SNX29: variants seen among roughly 807,000 people sequenced by gnomAD.
The protein encoded by SNX29 is sorting nexin-29.
SNX29 carries 78 observed loss-of-function variants against 102.1 expected under a neutral mutation model. That is an observed-to-expected ratio of 0.76 (90% confidence interval 0.64 to 0.92). SNX29 has a LOEUF of 0.92. SNX29 is among the 40% of genes least tolerant of loss of function. SNX29 has a pLI of 0.00. For missense variants in SNX29, 1,280 were observed against 1,061.7 expected, an observed-to-expected ratio of 1.21 and a Z score of -2.86; for synonymous variants, 580 against 414.5, an observed-to-expected ratio of 1.40 and a Z score of -4.85.
chr16:11,985,661 G>T (rs1415288422), intron 1 of SNX29, among the ~76,000 whole-genome samples: 3 of 152,106 alleles, frequency 2.0e-5, no homozygotes, highest in Admixed American at 6.6e-5. Context: ...GGAGCCTGTG[G>T]CTGGGAGTCC....
intron 18 of SNX29, among the ~76,000 whole-genome samples, chr16:12,419,022 G>T (rs2084765171): frequency 6.6e-6 from 1 of 152,212 alleles, no homozygotes; most frequent in South Asian, 2.1e-4. Flanking sequence ...GGCCGGGGGT[G>T]CTGCTCAACA....
At position 12,569,127 on chromosome 16, in the gene SNX29, G is replaced by C. The variant is rs937499517; in HGVS notation, c.*498G>C. The C allele has an allele frequency of 2.5e-5, 1 of 40,356 alleles. No individual in the cohort carries two copies. The highest frequency in any genetic ancestry group is 2.5e-4 in the African/African-American group (1 of 4,072). The allele number at this position is 40,356 out of a possible 1,614,324, so 2.5% of individuals were successfully genotyped here. On this transcript the variant is annotated 3_prime_UTR_variant, in exon 21 of 21. Transcript: ENST00000566228. ...CCTAGGGATGGCTGGCTTTGCGGGG[G>C]GGGGGGGGGGGGGGGGCATGGTTCC... is the stretch of plus-strand genomic sequence containing the variant.
At chr16:12,138,115 CT>C (rs2054729246) in intron 13 of SNX29, among the ~76,000 whole-genome samples, 1 of 151,784 alleles carries the variant, frequency 6.6e-6, no homozygotes, top group Admixed American at 6.6e-5. Context: ...TATGCTAGCA[CT>C]TCTGGAGTCT....
chr16:12,027,597 A>G, intron 4 of SNX29, 153 bp downstream of exon 4: 1 of 834,606 alleles, frequency 1.2e-6, no homozygotes, highest in Non-Finnish European at 1.8e-6. Context: ...ATAGTAGTCA[A>G]AACGTAATGG....
intron 13 of SNX29, among the ~76,000 whole-genome samples, chr16:12,143,845 C>T (rs2054953889): frequency 1.3e-5 from 2 of 152,162 alleles, no homozygotes; most frequent in Non-Finnish European, 2.9e-5. Flanking sequence ...ACATCATAGT[C>T]ACCTGGGGAG....
At chr16:12,504,062 AC>A (rs2089254460) in intron 19 of SNX29, among the ~76,000 whole-genome samples, 1 of 152,032 alleles carries the variant, frequency 6.6e-6, no homozygotes, top group Admixed American at 6.6e-5. Flanking sequence ...CTCCTGCCAA[AC>A]CCCAGACCTC....
At chr16:11,984,183 C>G (rs2055506582) in intron 1 of SNX29, among the ~76,000 whole-genome samples, 2 of 152,040 alleles carry the variant, frequency 1.3e-5, no homozygotes, top group Admixed American at 1.3e-4. Flanking sequence ...TGGGACCCGT[C>G]TGCCGGTCTT....
chr16:11,987,976 C>T (rs1015868022), intron 1 of SNX29, among the ~76,000 whole-genome samples: 1 of 152,136 alleles, frequency 6.6e-6, no homozygotes, highest in East Asian at 1.9e-4. Context: ...ATAGCTTTAC[C>T]AGCATTGGGG....
intron 15 of SNX29, among the ~76,000 whole-genome samples, chr16:12,318,188 A>ATCTTGC (rs1313761247): frequency 2.0e-5 from 3 of 152,226 alleles, no homozygotes; most frequent in African/African-American, 7.2e-5. Context: ...TGAAATTCAC[A>ATCTTGC]TCTTGCTCCG....
intron 20 of SNX29, among the ~76,000 whole-genome samples, chr16:12,561,948 C>A (rs919948810): frequency 6.6e-6 from 1 of 152,134 alleles, no homozygotes; most frequent in Non-Finnish European, 1.5e-5. Context: ...CCAGGTGCAT[C>A]CCTGGGGGCA....
chr16:12,547,204 G>A lies in SNX29; in HGVS notation c.2319-21302G>A, dbSNP rs151248465. ...GAAGATGACAGGGATAGTTTGACCC[G>A]AAGTGGAGACCTGAGGCAGGGAGCC... On this transcript the variant is annotated intron_variant, in intron 20 of 20. Coordinates refer to ENST00000566228, the MANE Select transcript of SNX29 (RefSeq NM_032167.5). Among the ~76,000 whole-genome samples the A allele has an allele frequency of 2.8e-3, 420 of 152,324 alleles. 3 individuals carry two copies. Among genetic ancestry groups the A allele is most frequent in the African/African-American group, 9.5e-3 (396 of 41,568 alleles).
At chr16:12,539,811 G>C (rs918579985) in intron 20 of SNX29, among the ~76,000 whole-genome samples, 4 of 152,292 alleles carry the variant, frequency 2.6e-5, no homozygotes, top group Non-Finnish European at 5.9e-5. Context: ...TCATGTGGAT[G>C]TTTTCCTTTA....
chr16:12,407,522 G>A (rs1467077531), intron 18 of SNX29, among the ~76,000 whole-genome samples: 1 of 152,180 alleles, frequency 6.6e-6, no homozygotes, highest in African/African-American at 2.4e-5. Context: ...GATGCTCTAT[G>A]AATGATTGAT....
At chr16:12,542,790 A>C (rs2077401242) in intron 20 of SNX29, among the ~76,000 whole-genome samples, 1 of 150,372 alleles carries the variant, frequency 6.7e-6, no homozygotes, top group Non-Finnish European at 1.5e-5. Context: ...AGTATTAGTT[A>C]AATCAGCAAG....
chr16:12,572,981 C>T lies in SNX29; in HGVS notation c.*4352C>T, dbSNP rs1171727539. ...GTCAAAGATTTTTCAAAATATTGTG[C>T]ATTAATTCATTAAAGCTACTGTTAA... On this transcript the variant is annotated 3_prime_UTR_variant, in exon 21 of 21. Transcript: ENST00000566228. 4.8e-6 allele frequency: 2 copies of T among 415,614 alleles called. No homozygotes were observed. The highest frequency in any genetic ancestry group is 7.0e-6 in the Non-Finnish European group (2 of 286,236). 25.7% of individuals were successfully genotyped at this position (415,614 alleles called of 1,614,324 possible).
intron 18 of SNX29, among the ~76,000 whole-genome samples, chr16:12,439,155 G>C (rs916895740): frequency 6.6e-6 from 1 of 152,220 alleles, no homozygotes; most frequent in Non-Finnish European, 1.5e-5. Context: ...GGTTGCAGGG[G>C]CACCTGAGAA....
At chr16:12,446,217 G>A (rs990044795) in intron 18 of SNX29, among the ~76,000 whole-genome samples, 9 of 151,864 alleles carry the variant, frequency 5.9e-5, no homozygotes, top group Non-Finnish European at 4.4e-5. Context: ...CACCATGCCC[G>A]GCTAATTTTT....
chr16:12,281,244 A>T (rs2151024371), intron 15 of SNX29, among the ~76,000 whole-genome samples: 1 of 152,322 alleles, frequency 6.6e-6, no homozygotes, highest in African/African-American at 2.4e-5. Context: ...GGATATTTGG[A>T]ACACCTTAAA....
rs58157322 is a variant in SNX29, at chr16:12,512,369, AATATATATATATATATATATATAT to A, written c.2179-12307_2179-12284del. Among the ~76,000 whole-genome samples the A allele has an allele frequency of 9.3e-4, 41 of 43,936 alleles. 1 individual carries two copies. The highest frequency in any genetic ancestry group is 2.1e-3 in the South Asian group (2 of 966). 28.8% of individuals were successfully genotyped at this position (43,936 alleles called of 152,430 possible). Reference sequence around the variant, plus strand: ...CGTCCATCATGGAAGGCCCAGGGAAAATATATATATATATATATATATATATATATATATATATATATATATATA... The same window carrying A: ...CGTCCATCATGGAAGGCCCAGGGAAAATATATATATATATATATATATATA... On this transcript the variant is annotated intron_variant, in intron 19 of 20. Transcript: ENST00000566228.
Sources: allele counts gnomAD v4.1 joint callset (sites outside exome capture counted in the v4.1 genomes callset), GRCh38; gene constraint gnomAD v4.1.1; transcripts MANE v1.5; gene names NCBI Gene and HGNC (gene_info 2026-07-23, HGNC 2026-07-21).